The following DMD variants were observed in gnomAD, a reference collection of about 807,000 sequenced individuals.
The protein encoded by DMD is mutant dystrophin.
Under a neutral mutation model 330.1 loss-of-function variants are expected in DMD, and 63 were observed. That is an observed-to-expected ratio of 0.19 (90% CI 0.16 to 0.24). The LOEUF is 0.24. Ranked by LOEUF, DMD falls within the 10% of genes least tolerant of loss-of-function variation. The pLI is 1.00. For missense variants in DMD, 3,344 were observed against 2,684.1 expected (o/e 1.25, Z -5.43); for synonymous variants, 1,223 against 959.8 (o/e 1.27, Z -5.07).
At chrX:33,146,621 C>T (rs967715956) in intron 1 of DMD, among the ~76,000 whole-genome samples, 1 of 110,434 alleles carries the variant, frequency 9.1e-6, no homozygotes, top group Non-Finnish European at 1.9e-5. Context: ...TCGGGCTTTT[C>T]AGTCTTCCTG....
chrX:31,369,503 T>C (rs1172947934), intron 60 of DMD, among the ~76,000 whole-genome samples: 1 of 111,944 alleles, frequency 8.9e-6, no homozygotes, highest in Non-Finnish European at 1.9e-5. Context: ...AAGATAAAAG[T>C]AGATTCAGAA....
At chrX:32,775,557 G>A (rs950997687) in intron 7 of DMD, among the ~76,000 whole-genome samples, 6 of 113,312 alleles carry the variant, frequency 5.3e-5, no homozygotes, top group Non-Finnish European at 1.1e-4. Flanking sequence ...CTTGGGGCTT[G>A]CACCCTCTGA....
chrX:32,324,108 T>TA (rs764697049), intron 41 of DMD, among the ~76,000 whole-genome samples: 4 of 110,948 alleles, frequency 3.6e-5, no homozygotes, highest in Admixed American at 9.7e-5. Context: ...TAATCAACAA[T>TA]ATATTGTATC....
At chrX:33,093,084 A>C (rs774855142) in intron 1 of DMD, among the ~76,000 whole-genome samples, 1 of 111,157 alleles carries the variant, frequency 9.0e-6, no homozygotes, top group Non-Finnish European at 1.9e-5. Context: ...TATGTTGGAT[A>C]GGCTGGTCTC....
chrX:32,899,381 T>C (rs2086020459), intron 2 of DMD, among the ~76,000 whole-genome samples: 1 of 111,295 alleles, frequency 9.0e-6, no homozygotes, highest in Non-Finnish European at 1.9e-5. Context: ...AAAGTGTTTG[T>C]ACTTAATTCT....
intron 44 of DMD, among the ~76,000 whole-genome samples, chrX:32,028,809 T>C (rs753701659): frequency 9.0e-6 from 1 of 111,070 alleles, no homozygotes; most frequent in African/African-American, 3.3e-5. Context: ...AGTCTCTGCA[T>C]ATACCATTTT....
intron 61 of DMD, among the ~76,000 whole-genome samples, chrX:31,345,553 G>A (rs1163629718): frequency 8.9e-6 from 1 of 111,737 alleles, no homozygotes; most frequent in East Asian, 2.8e-4. Flanking sequence ...CCTGGTGTCT[G>A]AGGAGTAATT....
intron 1 of DMD, among the ~76,000 whole-genome samples, chrX:33,203,608 T>C (rs759464909): frequency 9.0e-6 from 1 of 110,589 alleles, no homozygotes; most frequent in Non-Finnish European, 1.9e-5. Flanking sequence ...ACAGACCTCT[T>C]TATGGAAATA....
intron 1 of DMD, among the ~76,000 whole-genome samples, chrX:33,165,664 A>T (rs773977987): frequency 8.9e-6 from 1 of 111,874 alleles, no homozygotes; most frequent in South Asian, 3.7e-4. Context: ...ACATAGGATC[A>T]CAATTCATCT....
intron 55 of DMD, among the ~76,000 whole-genome samples, chrX:31,516,837 C>A (rs1241488876): frequency 9.0e-6 from 1 of 111,601 alleles, no homozygotes; most frequent in South Asian, 3.7e-4. Context: ...TCAGTATATT[C>A]CCAAGTGCAA....
chrX:31,467,403 T>C (rs2149196816), intron 59 of DMD, among the ~76,000 whole-genome samples: 1 of 111,688 alleles, frequency 9.0e-6, no homozygotes, highest in African/African-American at 3.3e-5. Context: ...GAAGGCCTTT[T>C]CCGCTTCTAT....
At chrX:32,410,074 G>T (rs2098135527) in intron 30 of DMD, among the ~76,000 whole-genome samples, 1 of 111,610 alleles carries the variant, frequency 9.0e-6, no homozygotes, top group Non-Finnish European at 1.9e-5. Flanking sequence ...CCTGGCTTGT[G>T]TAAGTTTGAA....
At chrX:32,430,077 G>A (rs1210927478) in intron 29 of DMD, among the ~76,000 whole-genome samples, 1 of 110,883 alleles carries the variant, frequency 9.0e-6, no homozygotes, top group Non-Finnish European at 1.9e-5. Context: ...ATTTTGTTGA[G>A]TTCAGAATTC....
intron 1 of DMD, among the ~76,000 whole-genome samples, chrX:33,219,237 G>T (rs1200549848): frequency 9.3e-6 from 1 of 108,036 alleles, no homozygotes; most frequent in Admixed American, 1.0e-4. Context: ...GAAGTGTGCT[G>T]CCTTATTGCC....
rs185574574 is a variant in DMD at position 31,857,236 on chromosome X, G to A, written c.7098+17952C>T. Among the ~76,000 whole-genome samples, 448 of 108,011 alleles carry A rather than the reference G, an allele frequency of 4.1e-3. 2 individuals carry two copies. The highest frequency in any genetic ancestry group is 0.014 in the African/African-American group (422 of 29,674). The allele number at this position is 108,011 out of a possible 115,157, so 93.8% of individuals were successfully genotyped here. A position where few individuals can be genotyped will look rare whatever the true frequency, so the allele number is the denominator to read the frequency against. ...TCTACTAAAAATACAAAAATTAGCC[G>A]GGTGTGGTGGTGGGCACCAGTAATC... On this transcript the variant is annotated intron_variant, in intron 48 of 78. Transcript: ENST00000357033.
intron 62 of DMD, among the ~76,000 whole-genome samples, chrX:31,284,825 A>AACACACACACAC (rs61401043): frequency 2.3e-4 from 21 of 91,507 alleles, no homozygotes; most frequent in African/African-American, 7.3e-4. Flanking sequence ...TAATGGCTTA[A>AACACACACACAC]ACACACACAC....
chrX:32,497,204 C>T (rs1275705273), intron 19 of DMD, among the ~76,000 whole-genome samples: 3 of 111,673 alleles, frequency 2.7e-5, no homozygotes. Context: ...AAGATAGTTA[C>T]TTGGTTAATG....
chrX:32,450,908 C>T (rs754738181), intron 26 of DMD, among the ~76,000 whole-genome samples: 2 of 110,872 alleles, frequency 1.8e-5, no homozygotes, highest in Non-Finnish European at 3.8e-5. Context: ...GAAGAACAAA[C>T]AGCAAAATTT....
chrX:32,622,888 C>T (rs2058091690), intron 11 of DMD, among the ~76,000 whole-genome samples: 1 of 111,627 alleles, frequency 9.0e-6, no homozygotes, highest in Non-Finnish European at 1.9e-5. Context: ...CAGGTGAAAC[C>T]AATGTTGCTG....
Sources: gnomAD v4.1 joint callset for allele counts (sites outside exome capture counted in the v4.1 genomes callset) on GRCh38, gnomAD v4.1.1 for gene constraint, MANE v1.5 for transcripts, NCBI Gene and HGNC (gene_info 2026-07-23, HGNC 2026-07-21) for gene names.